CSMD1: variants seen among roughly 807,000 people sequenced by gnomAD.
CSMD1 encodes CUB and sushi domain-containing protein 1.
Under a neutral mutation model 417.5 loss-of-function variants are expected in CSMD1, and 213 were observed. That is an observed-to-expected ratio of 0.51 (90% confidence interval 0.46 to 0.57). CSMD1 has a LOEUF of 0.57. Ranked by LOEUF, CSMD1 falls within the 20% of genes least tolerant of loss-of-function variation. The pLI, the probability that CSMD1 is intolerant of heterozygous loss-of-function variation, is 0.00. For missense variants in CSMD1, 6,923 were observed against 4,529.7 expected, an observed-to-expected ratio of 1.53 and a Z score of -15.17; for synonymous variants, 2,862 against 1,736.8, an observed-to-expected ratio of 1.65 and a Z score of -16.11.
At chr8:3,320,939 T>C (rs1200225571) in intron 23 of CSMD1, among the ~76,000 whole-genome samples, 3 of 152,094 alleles carry the variant, frequency 2.0e-5, no homozygotes, top group Admixed American at 6.5e-5. Context: ...AAAATACAAA[T>C]ACAAAGCAAA....
rs771552862 is a variant in CSMD1 at position 3,091,485 on chromosome 8, T to G, written c.7285+31A>C. 14 of 1,532,366 alleles carry G rather than the reference T, an allele frequency of 9.1e-6. No individual in the cohort carries two copies. The African/African-American group carries it at 1.8e-4, about 20-fold the overall frequency. The allele number at this position is 1,532,366 out of a possible 1,614,324, so 94.9% of individuals were successfully genotyped here. A position where few individuals can be genotyped will look rare whatever the true frequency, so the allele number is the denominator to read the frequency against. On this transcript the variant is annotated intron_variant, in intron 48 of 69. Transcript: ENST00000635120. ...TGAAAATCACCTGTTTTAAAATACT[T>G]TCATATAAAATCTAAACCTCATTTA...
chr8:4,249,644 G>C (rs1026754674), intron 3 of CSMD1, among the ~76,000 whole-genome samples: 22 of 152,260 alleles, frequency 1.4e-4, no homozygotes, highest in Admixed American at 7.2e-4. Context: ...GTGGAACGTG[G>C]CTCTAGGCTT....
intron 5 of CSMD1, among the ~76,000 whole-genome samples, chr8:3,800,978 G>C (rs1585019567): frequency 6.6e-6 from 1 of 151,684 alleles, no homozygotes; most frequent in African/African-American, 2.4e-5. Flanking sequence ...AACAGACTAA[G>C]ACAATTTAAA....
chr8:4,536,673 T>C (rs909270411), intron 2 of CSMD1, among the ~76,000 whole-genome samples: 1 of 152,246 alleles, frequency 6.6e-6, no homozygotes, highest in Admixed American at 6.5e-5. Context: ...GTTATTTATT[T>C]ATACTTTTAT....
At chr8:4,776,269 G>A (rs1038775702) in intron 1 of CSMD1, among the ~76,000 whole-genome samples, 1 of 152,116 alleles carries the variant, frequency 6.6e-6, no homozygotes, top group African/African-American at 2.4e-5. Flanking sequence ...AGACCCTCCT[G>A]AAAATTTAAA....
chr8:4,705,557 T>C (rs1027523354), intron 1 of CSMD1, among the ~76,000 whole-genome samples: 18 of 152,208 alleles, frequency 1.2e-4, no homozygotes, highest in Admixed American at 2.0e-4. Context: ...CTACGGCATA[T>C]TTCTTTTTTG....
intron 3 of CSMD1, among the ~76,000 whole-genome samples, chr8:4,091,610 A>G (rs1800724693): frequency 6.6e-6 from 1 of 152,196 alleles, no homozygotes; most frequent in African/African-American, 2.4e-5. Flanking sequence ...CCTCACATAG[A>G]GTAGCAAGAA....
intron 5 of CSMD1, among the ~76,000 whole-genome samples, chr8:3,894,887 T>G (rs980884554): frequency 2.0e-5 from 3 of 152,210 alleles, no homozygotes; most frequent in African/African-American, 4.8e-5. Context: ...TTATAAATCC[T>G]ATAAAATTAC....
chr8:3,180,603 ATTAAT>A (rs1821261494), intron 37 of CSMD1, among the ~76,000 whole-genome samples: 1 of 152,096 alleles, frequency 6.6e-6, no homozygotes, highest in African/African-American at 2.4e-5. Flanking sequence ...ACATTTACCC[ATTAAT>A]TTGTCTCTCA....
intron 3 of CSMD1, among the ~76,000 whole-genome samples, chr8:4,324,805 C>T (rs1458486010): frequency 1.3e-5 from 2 of 152,184 alleles, no homozygotes; most frequent in Non-Finnish European, 2.9e-5. Flanking sequence ...CGCCTGCTTC[C>T]CATGTCTTGC....
At chr8:3,435,214 G>A (rs191005456) in intron 12 of CSMD1, among the ~76,000 whole-genome samples, 160 of 152,286 alleles carry the variant, frequency 1.1e-3, no homozygotes, top group Non-Finnish European at 6.6e-4. Flanking sequence ...AGTCCTCAGA[G>A]CACAGAGCTC....
chr8:3,838,926 C>CTATA (rs200320405), intron 5 of CSMD1, among the ~76,000 whole-genome samples: 38,534 of 108,106 alleles, frequency 0.36, 8,718 homozygotes, highest in African/African-American at 0.56. Flanking sequence ...TATAGTCTCT[C>CTATA]TATTTATATA....
At chr8:3,931,926 A>ACCCAATTG (rs1277149887) in intron 5 of CSMD1, among the ~76,000 whole-genome samples, 1 of 149,578 alleles carries the variant, frequency 6.7e-6, no homozygotes, top group Non-Finnish European at 1.5e-5. Flanking sequence ...AGATCACAGA[A>ACCCAATTG]CCCAATTGTA....
intron 26 of CSMD1, among the ~76,000 whole-genome samples, chr8:3,280,570 G>C (rs553871676): frequency 6.6e-6 from 1 of 152,114 alleles, no homozygotes; most frequent in Non-Finnish European, 1.5e-5. Context: ...ACCAGAATTT[G>C]GATTTATTAA....
intron 13 of CSMD1, among the ~76,000 whole-genome samples, chr8:3,408,624 T>C (rs1006665855): frequency 5.9e-5 from 9 of 152,162 alleles, no homozygotes; most frequent in Non-Finnish European, 8.8e-5. Context: ...CTTTTAAATT[T>C]ATATTTTATA....
intron 3 of CSMD1, among the ~76,000 whole-genome samples, chr8:4,073,066 C>G (rs542392702): frequency 1.3e-5 from 2 of 152,270 alleles, no homozygotes; most frequent in African/African-American, 4.8e-5. Flanking sequence ...AATATTCATT[C>G]TGGTTTTCTC....
intron 5 of CSMD1, among the ~76,000 whole-genome samples, chr8:3,997,077 T>C (rs1046718357): frequency 6.6e-6 from 1 of 152,226 alleles, no homozygotes; most frequent in African/African-American, 2.4e-5. Context: ...CCATTCTTGT[T>C]TAGTCATATT....
At chr8:3,564,516 T>TA (rs1799611365) in intron 10 of CSMD1, among the ~76,000 whole-genome samples, 2 of 134,308 alleles carry the variant, frequency 1.5e-5, no homozygotes, top group Non-Finnish European at 3.2e-5. Context: ...CCACAGTATA[T>TA]TTGTGTGTGT....
At chr8:3,176,288 T>C (rs1461313736) in intron 37 of CSMD1, among the ~76,000 whole-genome samples, 3 of 152,194 alleles carry the variant, frequency 2.0e-5, no homozygotes, top group Admixed American at 6.5e-5. Context: ...ATAATTAATC[T>C]TTAATGAGAA....
Sources: gnomAD v4.1 joint callset for allele counts (sites outside exome capture counted in the v4.1 genomes callset) on GRCh38, gnomAD v4.1.1 for gene constraint, MANE v1.5 for transcripts, NCBI Gene and HGNC (gene_info 2026-07-23, HGNC 2026-07-21) for gene names.